The following ALPK1 variants were observed in gnomAD, a reference collection of about 807,000 sequenced individuals.
ALPK1 encodes alpha kinase 1.
Under a neutral mutation model 120.6 loss-of-function variants are expected in ALPK1, and 110 were observed. The observed-to-expected ratio is 0.91, with a 90% confidence interval of 0.78 to 1.07. The LOEUF (loss-of-function observed/expected upper bound fraction) is 1.07, where lower values mean the gene tolerates loss of function less well. Ranked by LOEUF, ALPK1 falls within the 50% of genes least tolerant of loss-of-function variation. The probability of loss-of-function intolerance (pLI) is 0.00; values close to 1 mark genes in which losing one functional copy is unlikely to be tolerated. For missense variants in ALPK1, 1,498 were observed against 1,483.9 expected (o/e 1.01, Z -0.16); for synonymous variants, 582 against 560.3 (o/e 1.04, Z -0.55).
intron 6 of ALPK1, 28 bp downstream of exon 6, chr4:112,424,031 CT>C: frequency 6.2e-7 from 1 of 1,605,746 alleles, no homozygotes; most frequent in Non-Finnish European, 8.5e-7. Context: ...TTCACAATGA[CT>C]TTTACCTCAG....
chr4:112,331,763 C>T (rs1729378524), intron 2 of ALPK1, among the ~76,000 whole-genome samples: 1 of 152,212 alleles, frequency 6.6e-6, no homozygotes, highest in African/African-American at 2.4e-5. Context: ...GCCACTTGCT[C>T]ATGAAACTTT....
intron 12 of ALPK1, among the ~76,000 whole-genome samples, chr4:112,436,181 T>C (rs556619498): frequency 2.0e-5 from 3 of 152,368 alleles, no homozygotes; most frequent in African/African-American, 7.2e-5. Context: ...GAAGTACATT[T>C]CTTGAAAAGA....
intron 1 of ALPK1, among the ~76,000 whole-genome samples, chr4:112,307,225 C>G (rs1267566754): frequency 6.6e-6 from 1 of 152,024 alleles, no homozygotes. Context: ...AATGTATATT[C>G]TGTTGATTTG....
intron 5 of ALPK1, among the ~76,000 whole-genome samples, chr4:112,422,917 C>A (rs1734065085): frequency 6.6e-6 from 1 of 152,222 alleles, no homozygotes; most frequent in Admixed American, 6.5e-5. Flanking sequence ...TTAAAGATCC[C>A]TTAACGCCCA....
At chr4:112,347,260 T>C (rs956179690) in intron 2 of ALPK1, among the ~76,000 whole-genome samples, 2 of 152,254 alleles carry the variant, frequency 1.3e-5, no homozygotes, top group African/African-American at 4.8e-5. Flanking sequence ...CACAGAGTGG[T>C]CTCACATAAA....
At chr4:112,311,968 A>G (rs978867364) in intron 1 of ALPK1, among the ~76,000 whole-genome samples, 1 of 150,510 alleles carries the variant, frequency 6.6e-6, no homozygotes, top group African/African-American at 2.4e-5. Flanking sequence ...AAATACACAC[A>G]GGGGGTCACA....
intron 2 of ALPK1, among the ~76,000 whole-genome samples, chr4:112,369,786 G>C (rs1731323723): frequency 6.6e-6 from 1 of 152,188 alleles, no homozygotes; most frequent in African/African-American, 2.4e-5. Context: ...AGGGTTAATT[G>C]AATTCCAACA....
intron 2 of ALPK1, among the ~76,000 whole-genome samples, chr4:112,349,549 C>T (rs1730242236): frequency 1.2e-5 from 1 of 86,516 alleles, no homozygotes; most frequent in Non-Finnish European, 2.2e-5. Flanking sequence ...GCCCCAACCC[C>T]TGCCCCCCCC....
At chr4:112,298,922 T>C (rs1384669640) in intron 1 of ALPK1, among the ~76,000 whole-genome samples, 2 of 152,196 alleles carry the variant, frequency 1.3e-5, no homozygotes, top group Non-Finnish European at 2.9e-5. Context: ...TGAATTGCTT[T>C]TATTATTCTC....
chr4:112,433,607 TC>T (rs1044025945), intron 11 of ALPK1, among the ~76,000 whole-genome samples: 1 of 152,188 alleles, frequency 6.6e-6, no homozygotes, highest in African/African-American at 2.4e-5. Flanking sequence ...GTAGTCAATG[TC>T]TAACACAGCT....
chr4:112,411,801 C>CA, intron 4 of ALPK1, 26 bp from the exon 5 acceptor site: 1 of 1,589,718 alleles, frequency 6.3e-7, no homozygotes, highest in South Asian at 1.1e-5. Context: ...CCGCCTGGCT[C>CA]ACGATGTTCC....
At position 112,318,812 on chromosome 4, in the gene ALPK1, T is replaced by C. The variant is rs137913883; in HGVS notation, c.-101+2960T>C. On this transcript the variant is annotated intron_variant, in intron 2 of 15. Transcript: ENST00000650871. ...GTCTACTGGGAGACAGTTAAGAAACTGAATTATGACAGAGCATGATGTTAG... is the reference window on the plus strand; with the variant it reads ...GTCTACTGGGAGACAGTTAAGAAACCGAATTATGACAGAGCATGATGTTAG... Among the ~76,000 whole-genome samples, 390 of 152,292 alleles carry C rather than the reference T, an allele frequency of 2.6e-3. 1 individual carries two copies. Among genetic ancestry groups the C allele is most frequent in the Non-Finnish European group, 4.5e-3 (303 of 68,022 alleles).
At chr4:112,298,485 C>T (rs911183857) in intron 1 of ALPK1, among the ~76,000 whole-genome samples, 1 of 152,060 alleles carries the variant, frequency 6.6e-6, no homozygotes, top group Non-Finnish European at 1.5e-5. Flanking sequence ...TCAAGAGAAA[C>T]AAAATACTTA....
In ALPK1 at chr4:112,338,115, C is replaced by T. The variant is rs142407842; in HGVS notation, c.-101+22263C>T. Among the ~76,000 whole-genome samples, 233 of 152,188 alleles carry T rather than the reference C, an allele frequency of 1.5e-3. 1 individual carries two copies. Among genetic ancestry groups the T allele is most frequent in the African/African-American group, 4.6e-3 (190 of 41,530 alleles). ...CTGAGTAGCTGGGATTACAGACGCA[C>T]GCCACCATGCCCAGCTAATTTTTGT... On this transcript the variant is annotated intron_variant, in intron 2 of 15. Transcript: ENST00000650871.
chr4:112,357,145 C>A (rs1360341517), intron 2 of ALPK1: 1 of 1,393,202 alleles, frequency 7.2e-7, no homozygotes, highest in Non-Finnish European at 1.0e-6. Flanking sequence ...GAGATGACAG[C>A]GGTGTCACCA....
At chr4:112,408,289 GA>G (rs1398366966) in intron 4 of ALPK1, among the ~76,000 whole-genome samples, 1 of 152,150 alleles carries the variant, frequency 6.6e-6, no homozygotes, top group Non-Finnish European at 1.5e-5. Context: ...GTCAGTGGCA[GA>G]AACTTCAAGT....
intron 2 of ALPK1, among the ~76,000 whole-genome samples, chr4:112,350,248 C>T (rs1214449690): frequency 6.6e-6 from 1 of 152,226 alleles, no homozygotes; most frequent in East Asian, 1.9e-4. Context: ...AATAAATTAA[C>T]TTTCCTGGCT....
chr4:112,347,211 T>C (rs1376939808), intron 2 of ALPK1, among the ~76,000 whole-genome samples: 2 of 152,228 alleles, frequency 1.3e-5, no homozygotes, highest in African/African-American at 4.8e-5. Context: ...TTTCTGCTTG[T>C]CAGTATGATG....
chr4:112,357,169 C>A (rs1445842295), intron 2 of ALPK1: 1 of 1,531,980 alleles, frequency 6.5e-7, no homozygotes, highest in Non-Finnish European at 9.0e-7. Flanking sequence ...CAGGGAGCTA[C>A]ATCTTTGAGC....
Sources: allele counts gnomAD v4.1 joint callset (sites outside exome capture counted in the v4.1 genomes callset), GRCh38; gene constraint gnomAD v4.1.1; transcripts MANE v1.5; gene names NCBI Gene and HGNC (gene_info 2026-07-23, HGNC 2026-07-21).